Variants in RECQL5 observed in about 807,000 individuals in gnomAD.
The protein encoded by RECQL5 is RecQ like helicase 5.
Under a neutral mutation model 103.4 loss-of-function variants are expected in RECQL5, and 88 were observed. That is an observed-to-expected ratio of 0.85 (90% CI 0.72 to 1.02). The LOEUF (loss-of-function observed/expected upper bound fraction) is 1.02. Among genes scored for constraint, RECQL5 ranks in the 50% least tolerant of loss-of-function variants. The pLI, the probability that RECQL5 is intolerant of heterozygous loss-of-function variation, is 0.00. For synonymous variants in RECQL5, 552 were observed against 507.9 expected, an observed-to-expected ratio of 1.09 and a Z score of -1.17; for missense variants, 1,232 against 1,284.3, an observed-to-expected ratio of 0.96 and a Z score of 0.62.
intron 6 of RECQL5, among the ~76,000 whole-genome samples, chr17:75,659,221 C>T (rs1045949317): frequency 6.6e-6 from 1 of 152,086 alleles, no homozygotes; most frequent in African/African-American, 2.4e-5. Context: ...GCCACCATGC[C>T]CAGCTAATTT....
At chr17:75,657,802 C>T (rs543404473) in intron 7 of RECQL5, among the ~76,000 whole-genome samples, 1 of 144,146 alleles carries the variant, frequency 6.9e-6, no homozygotes, top group East Asian at 2.0e-4. Context: ...GTAACCCCAA[C>T]ACTTTGGGAG....
chr17:75,651,002 C>A, intron 8 of RECQL5, 184 bp downstream of exon 8: 1 of 1,512,486 alleles, frequency 6.6e-7, no homozygotes, highest in Non-Finnish European at 8.8e-7. Flanking sequence ...TGCGAGAGAT[C>A]CCGGGGCCTC....
chr17:75,651,264 T>C lies in RECQL5; in HGVS notation c.1151A>G (p.Glu384Gly), dbSNP rs1599037257. 14 of 1,614,136 alleles carry C rather than the reference T, an allele frequency of 8.7e-6. 1 individual carries two copies. The highest frequency in any genetic ancestry group is 1.7e-4 in the Middle Eastern group (1 of 6,038). Residue 384 changes from glutamate (E) to glycine (G), a missense_variant and splice_region_variant, in exon 8 of 20, where the codon GAA (glutamate) becomes GGA (glycine). Physicochemically the swap from Glu to Gly is moderately conservative, Grantham distance 98. Coordinates refer to ENST00000317905, the MANE Select transcript of RECQL5 (RefSeq NM_004259.7). ...ATCAGATGCTTTGTTTCCTCTCTTT[T>C]CCTGGGGACAAAAAATGACCACTTA... Reference protein sequence around the residue: ...LIRKEVAKLQEKRGNKASDKA... With the variant: ...LIRKEVAKLQGKRGNKASDKA...
chr17:75,651,330 G>C, intron 7 of RECQL5, 65 bp from the exon 8 acceptor site: 1 of 1,589,524 alleles, frequency 6.3e-7, no homozygotes, highest in Non-Finnish European at 8.6e-7. Context: ...GCCACAAAAA[G>C]TAATGAGGAG....
rs931627087 is a variant in RECQL5, at chr17:75,629,396, G to C, written c.2027C>G (p.Thr676Ser). ...FQTATELMET[T>S]RIREQAPQPE... is the part of the protein sequence containing the mutation. ...CTGGGGGGCTTGCTCCCTGATCCGA[G>C]TTGTCTCCATCAGTTCCGTGGCCGT... is the stretch of plus-strand genomic sequence containing the variant. Residue 676 changes from threonine (T) to serine (S), a missense_variant, in exon 16 of 20, where the codon ACT becomes AGT. By Grantham distance (58) the Thr-to-Ser change is moderately conservative (BLOSUM62 1). Transcript: ENST00000317905. 1.3e-6 allele frequency: 2 copies of C among 1,510,696 alleles called. No individual in the cohort carries two copies. The highest frequency in any genetic ancestry group is 1.8e-6 in the Non-Finnish European group (2 of 1,130,754). 93.6% of individuals were successfully genotyped at this position (1,510,696 alleles called of 1,614,324 possible).
rs755308951 is a variant in RECQL5 at position 75,630,854 on chromosome 17, T to C, written c.1586-17A>G. 1 of 1,205,054 alleles carries C rather than the reference T, an allele frequency of 8.3e-7. No individual in the cohort carries two copies. The highest frequency in any genetic ancestry group is 1.1e-6 in the Non-Finnish European group (1 of 905,476). The allele number at this position is 1,205,054 out of a possible 1,614,324, so 74.6% of individuals were successfully genotyped here. On this transcript the variant is annotated splice_polypyrimidine_tract_variant and intron_variant, in intron 11 of 19. Coordinates refer to ENST00000317905, the MANE Select transcript of RECQL5 (RefSeq NM_004259.7). ...AGTTCTCATCTGTGGGGGGGGGGGGTGGTCCTTGGTCCTTTCGCTCCACCT... is the reference window on the plus strand; with the variant it reads ...AGTTCTCATCTGTGGGGGGGGGGGGCGGTCCTTGGTCCTTTCGCTCCACCT...
At chr17:75,651,778 A>G (rs1481993832) in intron 7 of RECQL5, among the ~76,000 whole-genome samples, 1 of 152,200 alleles carries the variant, frequency 6.6e-6, no homozygotes, top group African/African-American at 2.4e-5. Flanking sequence ...CAAAGGGCCC[A>G]CAGACTGGCA....
At chr17:75,661,908 C>T (rs2059704748) in intron 4 of RECQL5, among the ~76,000 whole-genome samples, 200 bp from the exon 5 acceptor site, 1 of 152,216 alleles carries the variant, frequency 6.6e-6, no homozygotes, top group Non-Finnish European at 1.5e-5. Context: ...TGCCTGCAAT[C>T]CCAGCACTTT....
chr17:75,631,541 A>AGCT lies in RECQL5; in HGVS notation c.1354_1356dup (p.Ser452dup). 6.2e-7 allele frequency: 1 copy of AGCT among 1,613,168 alleles called. No individual in the cohort carries two copies. Among genetic ancestry groups the AGCT allele is most frequent in the Non-Finnish European group, 8.5e-7 (1 of 1,179,972 alleles). On this transcript the variant is annotated inframe_insertion, in exon 9 of 20. Coordinates refer to ENST00000317905, the MANE Select transcript of RECQL5 (RefSeq NM_004259.7). ...GAGGGCCCGATGCAGGTCTTGCTCCAGCTGCTGCTGCGCTCCAAGGCCTCC... is the reference window on the plus strand; with the variant it reads ...GAGGGCCCGATGCAGGTCTTGCTCCAGCTGCTGCTGCTGCGCTCCAAGGCCTCC...
At chr17:75,664,927 AAAAGG>A in intron 3 of RECQL5, 119 bp downstream of exon 3, 2 of 1,359,612 alleles carry the variant, frequency 1.5e-6, no homozygotes, top group Non-Finnish European at 1.9e-6. Flanking sequence ...AAAAAAAAAA[AAAAGG>A]AAAAAGAAAA....
In RECQL5 at chr17:75,662,761, G is replaced by A. The variant is rs1220079483; in HGVS notation, c.489C>T (p.Ser163=). 1 of 1,614,084 alleles carries A rather than the reference G, an allele frequency of 6.2e-7. No homozygotes were observed. Among genetic ancestry groups the A allele is most frequent in the Non-Finnish European group, 8.5e-7 (1 of 1,180,034 alleles). The change falls in exon 4 of 20, where the codon TCC becomes TCT. Residue 163 remains serine, a synonymous_variant. Coordinates refer to ENST00000317905, the MANE Select transcript of RECQL5 (RefSeq NM_004259.7). The part of the protein sequence containing the change: ...YLVVDEAHCV[S]QWGHDFRPDY... ...CAGGACGAAAGTCATGCCCCCATTGGGAAACACAATGAGCTTCATCCACCA... is the reference window on the plus strand; with the variant it reads ...CAGGACGAAAGTCATGCCCCCATTGAGAAACACAATGAGCTTCATCCACCA...
At chr17:75,650,517 C>T (rs557458405) in intron 8 of RECQL5, 1 of 1,446,764 alleles carries the variant, frequency 6.9e-7, no homozygotes, top group Admixed American at 2.3e-5. Flanking sequence ...ATTTATTCAC[C>T]TCTAAGTCTG....
At chr17:75,644,985 C>T (rs1784249113) in intron 8 of RECQL5, among the ~76,000 whole-genome samples, 1 of 152,198 alleles carries the variant, frequency 6.6e-6, no homozygotes, top group African/African-American at 2.4e-5. Context: ...CCTTGGCCGG[C>T]CTTCCTGGCC....
intron 2 of RECQL5, 62 bp from the exon 3 acceptor site, chr17:75,665,234 A>T: frequency 6.6e-7 from 1 of 1,510,312 alleles, no homozygotes; most frequent in Non-Finnish European, 9.1e-7. Context: ...AGTTGTTGAA[A>T]ATTAAATGAG....
rs573582809 is a variant in RECQL5 at position 75,629,204 on chromosome 17, G to C, written c.2219C>G (p.Ser740Cys). Residue 740 changes from serine to cysteine, a missense_variant, in exon 16 of 20, where the codon TCC (serine) becomes TGC (cysteine). Ser to Cys is a moderately radical substitution (Grantham distance 112, BLOSUM62 -1). Transcript: ENST00000317905. ...KKAKSSSGGS[S>C]LAKGRASKKQ... The stretch of plus-strand genomic sequence containing the variant: ...CTTGCTAGCCCGGCCCTTGGCAAGG[G>C]AGCTGCCCCCAGAGGAACTTTTTGC... The C allele has an allele frequency of 2.5e-6, 4 of 1,613,498 alleles. No individual in the cohort carries two copies. The highest frequency in any genetic ancestry group is 3.3e-5 in the Admixed American group (2 of 60,020).
In RECQL5 at chr17:75,649,761, CA is replaced by C. The variant is rs2059531647; in HGVS notation, c.1229+1424del. On this transcript the variant is annotated intron_variant, in intron 8 of 19. Coordinates refer to ENST00000317905, the MANE Select transcript of RECQL5 (RefSeq NM_004259.7). ...CAGCCTGCTGCCTGGATTTCAGAAT[CA>C]TCACATGTAGCAAAGGAGACAGGCA... 3.0e-6 allele frequency: 3 copies of C among 985,374 alleles called. No homozygotes were observed. The African/African-American group carries it at 5.2e-5, about 17-fold the overall frequency. 61.0% of individuals were successfully genotyped at this position (985,374 alleles called of 1,614,324 possible).
At chr17:75,665,241 T>C (rs1489464251) in intron 2 of RECQL5, 69 bp from the exon 3 acceptor site, 59 of 1,479,558 alleles carry the variant, frequency 4.0e-5, no homozygotes, top group Middle Eastern at 3.4e-4. Flanking sequence ...GAAAATTAAA[T>C]GAGAATGTAG....
chr17:75,664,290 C>G (rs997882193), intron 3 of RECQL5, among the ~76,000 whole-genome samples: 1 of 152,182 alleles, frequency 6.6e-6, no homozygotes, highest in African/African-American at 2.4e-5. Context: ...AGGTCCCAGA[C>G]AGTTTCTCAT....
At chr17:75,639,892 C>T (rs912748469) in intron 8 of RECQL5, 28 of 303,252 alleles carry the variant, frequency 9.2e-5, no homozygotes, top group Admixed American at 4.8e-4. Context: ...AATGGAACAG[C>T]GAAGCCAGAA....
Sources: gnomAD v4.1 joint callset for allele counts (sites outside exome capture counted in the v4.1 genomes callset) on GRCh38, gnomAD v4.1.1 for gene constraint, MANE v1.5 for transcripts, NCBI Gene and HGNC (gene_info 2026-07-23, HGNC 2026-07-21) for gene names.